The following IL34 variants were observed in gnomAD, a reference collection of about 807,000 sequenced individuals.
The protein encoded by IL34 is interleukin 34.
A neutral mutation model predicts 25.3 loss-of-function variants in IL34; 17 were observed. That is an observed-to-expected ratio of 0.67 (90% CI 0.46 to 1.01). IL34 has a LOEUF of 1.01. IL34 is among the 50% of genes least tolerant of loss of function. The pLI, the probability that IL34 is intolerant of heterozygous loss-of-function variation, is 0.00. For synonymous variants in IL34, 174 were observed against 140.9 expected (o/e 1.23, Z -1.66); for missense variants, 368 against 312.9 (o/e 1.18, Z -1.33).
chr16:70,645,008 G>A (rs868242184), upstream of IL34, among the ~76,000 whole-genome samples: 12 of 141,670 alleles, frequency 8.5e-5, no homozygotes, highest in Admixed American at 2.0e-4. Flanking sequence ...AGAAGAGGAA[G>A]AGGAGGAAGG....
intron 4 of IL34, among the ~76,000 whole-genome samples, chr16:70,659,252 T>C (rs908552790): frequency 1.3e-5 from 2 of 152,190 alleles, no homozygotes; most frequent in African/African-American, 4.8e-5. Flanking sequence ...TTGGAGTTGA[T>C]GGAGATGTCT....
chr16:70,590,806 T>C (rs1033358639), intron 1 of IL34, among the ~76,000 whole-genome samples: 2 of 152,102 alleles, frequency 1.3e-5, no homozygotes, highest in African/African-American at 4.8e-5. Context: ...GGTGGAAGTC[T>C]CCCAAACCCG....
intron 1 of IL34, among the ~76,000 whole-genome samples, chr16:70,581,940 AAAAC>A (rs898597443): frequency 3.9e-5 from 6 of 152,116 alleles, no homozygotes; most frequent in East Asian, 1.9e-4. Context: ...AACAAAAACA[AAAAC>A]AAACAAAAAC....
rs114307718 is a variant in IL34 at position 70,589,699 on chromosome 16, C to T, written c.-401+9650C>T. Reference sequence around the variant, plus strand: ...GTCCAGTGGTATGACCTCAGTTCACCGCAACTTCAGCCTCCTGGGTTCAAG... The same window carrying T: ...GTCCAGTGGTATGACCTCAGTTCACTGCAACTTCAGCCTCCTGGGTTCAAG... On this transcript the variant is annotated intron_variant, in intron 1 of 6. Transcript: ENST00000429149. 1.1e-3 allele frequency among the ~76,000 whole-genome samples: 163 copies of T among 151,546 alleles called. 1 individual carries two copies. The highest frequency in any genetic ancestry group is 3.3e-3 in the African/African-American group (137 of 41,248).
chr16:70,656,596 C>A lies in IL34; in HGVS notation c.163-6C>A. ...GGCCTCATAGTTTGTTCTTGTGCCT[C>A]TCCAGAAACACTACTTCCCCATCAA... On this transcript the variant is annotated splice_region_variant and splice_polypyrimidine_tract_variant and intron_variant, in intron 2 of 5. Transcript: ENST00000288098. The A allele has an allele frequency of 8.0e-7, 1 of 1,242,864 alleles. No individual in the cohort carries two copies. Among genetic ancestry groups the A allele is most frequent in the Non-Finnish European group, 1.2e-6 (1 of 840,484 alleles). The allele number at this position is 1,242,864 out of a possible 1,614,324, so 77.0% of individuals were successfully genotyped here. A position where few individuals can be genotyped will look rare whatever the true frequency, so the allele number is the denominator to read the frequency against.
chr16:70,644,358 AC>A (rs2051856712), upstream of IL34, among the ~76,000 whole-genome samples: 1 of 152,074 alleles, frequency 6.6e-6, no homozygotes, highest in Non-Finnish European at 1.5e-5. Flanking sequence ...GAGACACTGC[AC>A]CCAGCCAGAT....
chr16:70,583,718 T>G (rs1434152328), intron 1 of IL34, among the ~76,000 whole-genome samples: 2 of 151,188 alleles, frequency 1.3e-5, no homozygotes, highest in Admixed American at 6.6e-5. Context: ...AGTGGTGTGA[T>G]CTCGGCTCAC....
At chr16:70,589,677 C>T (rs2050731012) in intron 1 of IL34, among the ~76,000 whole-genome samples, 1 of 150,070 alleles carries the variant, frequency 6.7e-6, no homozygotes, top group African/African-American at 2.5e-5. Flanking sequence ...GGGTGGAGTC[C>T]AGTGGTATGA....
chr16:70,584,464 A>G (rs1345554684), intron 1 of IL34, among the ~76,000 whole-genome samples: 1 of 152,166 alleles, frequency 6.6e-6, no homozygotes. Flanking sequence ...GGAAAGGCCA[A>G]AGACTTCCAA....
intron 1 of IL34, among the ~76,000 whole-genome samples, chr16:70,594,957 T>TC (rs1567437665): frequency 5.0e-4 from 66 of 133,096 alleles, no homozygotes; most frequent in African/African-American, 2.3e-3. Flanking sequence ...CTCTCTCTCT[T>TC]TTTTTTTTTT....
At chr16:70,658,106 A>G (rs2052281919) in intron 4 of IL34, among the ~76,000 whole-genome samples, 1 of 152,130 alleles carries the variant, frequency 6.6e-6, no homozygotes, top group Admixed American at 6.6e-5. Flanking sequence ...TGTCCCTGGG[A>G]TCCACCTGCT....
intron 4 of IL34, among the ~76,000 whole-genome samples, chr16:70,658,437 CCTGGGATTACAGGA>C (rs2052291154): frequency 6.8e-6 from 1 of 147,524 alleles, no homozygotes; most frequent in Non-Finnish European, 1.5e-5. Flanking sequence ...CTCCCAAAGT[CCTGGGATTACAGGA>C]CTGGGATTAC....
chr16:70,625,127 G>A (rs1048928015), intron 1 of IL34, among the ~76,000 whole-genome samples: 11 of 152,060 alleles, frequency 7.2e-5, no homozygotes, highest in Admixed American at 5.9e-4. Flanking sequence ...GGGTCAAGCA[G>A]CATTGCAGAA....
intron 1 of IL34, among the ~76,000 whole-genome samples, chr16:70,590,792 C>A (rs1006778316): frequency 2.6e-5 from 4 of 152,200 alleles, no homozygotes; most frequent in African/African-American, 9.7e-5. Context: ...AGCCCTCCAT[C>A]CTGGGTGGAA....
chr16:70,656,730 TG>T (rs2052233990), intron 3 of IL34, 51 bp downstream of exon 3: 1 of 1,003,476 alleles, frequency 1.0e-6, no homozygotes, highest in South Asian at 1.3e-5. Context: ...CGACATCCGG[TG>T]GGCCCCAGCC....
rs772446015 is a variant in IL34 at position 70,646,954 on chromosome 16, C to T, written c.7C>T (p.Arg3Trp). 7.1e-5 allele frequency: 104 copies of T among 1,467,762 alleles called. No homozygotes were observed. Among genetic ancestry groups the T allele is most frequent in the East Asian group, 2.0e-4 (7 of 34,300 alleles). The allele number at this position is 1,467,762 out of a possible 1,614,324, so 90.9% of individuals were successfully genotyped here. Residue 3 changes from arginine (R) to tryptophan (W), a missense_variant, in exon 1 of 6, where the codon CGG becomes TGG. By Grantham distance (101) the Arg-to-Trp change is moderately radical. Coordinates refer to ENST00000288098, the MANE Select transcript of IL34 (RefSeq NM_001393494.1). MP[R>W]GFTWLRYLGI... ...GGGGACGAGGAACACCACCATGCCC[C>T]GGGGCTTCACCTGGCTGCGCTGTGA... is the stretch of plus-strand genomic sequence containing the variant.
chr16:70,659,985 TA>T lies in IL34; in HGVS notation c.539-11del. On this transcript the variant is annotated splice_polypyrimidine_tract_variant and intron_variant, in intron 5 of 5. Coordinates refer to ENST00000288098, the MANE Select transcript of IL34 (RefSeq NM_001393494.1). The stretch of plus-strand genomic sequence containing the variant: ...TGCTGCAGTCTTTTTTTTTTTCCCC[TA>T]TCTCTTGCAGGTAAACAAAGCTCCG... 6.4e-7 allele frequency: 1 copy of T among 1,554,354 alleles called. No individual in the cohort carries two copies. The highest frequency in any genetic ancestry group is 2.0e-5 in the Admixed American group (1 of 49,370).
At chr16:70,650,198 G>A (rs1312508021) in intron 1 of IL34, among the ~76,000 whole-genome samples, 1 of 152,190 alleles carries the variant, frequency 6.6e-6, no homozygotes, top group Non-Finnish European at 1.5e-5. Flanking sequence ...GGTGTGCAGA[G>A]CATGTGGGGG....
At chr16:70,609,241 C>G (rs919651535) in intron 1 of IL34, among the ~76,000 whole-genome samples, 1 of 151,930 alleles carries the variant, frequency 6.6e-6, no homozygotes, top group Non-Finnish European at 1.5e-5. Flanking sequence ...ACCACGCCCA[C>G]CTAATTTTTG....
Sources: allele counts gnomAD v4.1 joint callset (sites outside exome capture counted in the v4.1 genomes callset), GRCh38; gene constraint gnomAD v4.1.1; transcripts MANE v1.5; gene names NCBI Gene and HGNC (gene_info 2026-07-23, HGNC 2026-07-21).